CEP112: variants seen among roughly 807,000 people sequenced by gnomAD.
The protein encoded by CEP112 is centrosomal protein 112, also known as centrosomal protein of 112 kDa.
Under a neutral mutation model 153.0 loss-of-function variants are expected in CEP112, and 127 were observed. The ratio of observed to expected loss-of-function variants is 0.83; its 90% confidence interval spans 0.72 to 0.96. The LOEUF (loss-of-function observed/expected upper bound fraction) is 0.96. CEP112 is among the 40% of genes least tolerant of loss of function. CEP112 has a pLI of 0.00. For missense variants in CEP112, 1,089 were observed against 1,101.2 expected (o/e 0.99, Z 0.16); for synonymous variants, 358 against 374.4 (o/e 0.96, Z 0.51).
At chr17:65,691,181 G>A (rs892708843) in intron 23 of CEP112, among the ~76,000 whole-genome samples, 21 of 152,216 alleles carry the variant, frequency 1.4e-4, no homozygotes, top group African/African-American at 4.6e-4. Context: ...GAGAGGAGCC[G>A]GAGCTCAGCC....
At chr17:65,951,077 C>T (rs750518912) in intron 18 of CEP112, among the ~76,000 whole-genome samples, 3 of 152,156 alleles carry the variant, frequency 2.0e-5, no homozygotes, top group Non-Finnish European at 2.9e-5. Context: ...TGGATTCCTG[C>T]GACAAATCCC....
intron 19 of CEP112, among the ~76,000 whole-genome samples, chr17:65,909,734 GAAT>G (rs1204718243): frequency 2.6e-5 from 4 of 152,144 alleles, no homozygotes; most frequent in Non-Finnish European, 5.9e-5. Flanking sequence ...AAGGAAAGAA[GAAT>G]AATAACTTGG....
At chr17:65,646,444 T>G (rs2045437564) in intron 24 of CEP112, among the ~76,000 whole-genome samples, 1 of 152,228 alleles carries the variant, frequency 6.6e-6, no homozygotes, top group South Asian at 2.1e-4. Context: ...ATCCTGTTAC[T>G]TCAATAAAGT....
At chr17:65,998,198 T>C (rs1377354124) in intron 17 of CEP112, among the ~76,000 whole-genome samples, 1 of 151,422 alleles carries the variant, frequency 6.6e-6, no homozygotes, top group Non-Finnish European at 1.5e-5. Context: ...CTGGGCAAAA[T>C]GGTGAAACCC....
At chr17:65,922,631 A>G (rs184170893) in intron 19 of CEP112, among the ~76,000 whole-genome samples, 1 of 152,290 alleles carries the variant, frequency 6.6e-6, no homozygotes, top group Admixed American at 6.5e-5. Context: ...AGAACTCTGC[A>G]ACATCTTACA....
intron 18 of CEP112, among the ~76,000 whole-genome samples, chr17:65,944,429 T>C (rs1010147899): frequency 1.3e-5 from 2 of 152,224 alleles, no homozygotes; most frequent in African/African-American, 4.8e-5. Flanking sequence ...TAATCAGCTT[T>C]CATATATCTT....
chr17:66,099,760 C>T (rs998262130), intron 6 of CEP112, among the ~76,000 whole-genome samples: 1 of 151,830 alleles, frequency 6.6e-6, no homozygotes, highest in Non-Finnish European at 1.5e-5. Flanking sequence ...AATAGAAGAC[C>T]AAAATCAAAA....
At chr17:65,992,033 A>C (rs1942722830) in intron 17 of CEP112, among the ~76,000 whole-genome samples, 2 of 152,036 alleles carry the variant, frequency 1.3e-5, no homozygotes, top group South Asian at 4.1e-4. Flanking sequence ...TAAAAAAAAA[A>C]ACAAACCTAA....
intron 4 of CEP112, among the ~76,000 whole-genome samples, chr17:66,139,597 G>T (rs1000375357): frequency 6.6e-6 from 1 of 151,764 alleles, no homozygotes; most frequent in African/African-American, 2.4e-5. Flanking sequence ...GACAGAGTGA[G>T]AATCTATCTC....
chr17:65,720,185 A>G (rs1466602763), intron 23 of CEP112, among the ~76,000 whole-genome samples: 1 of 152,152 alleles, frequency 6.6e-6, no homozygotes, highest in Admixed American at 6.5e-5. Context: ...GGGTTCAGAT[A>G]ATTATTTCCA....
intron 23 of CEP112, among the ~76,000 whole-genome samples, chr17:65,698,189 T>C (rs897720544): frequency 6.6e-6 from 1 of 152,200 alleles, no homozygotes; most frequent in Non-Finnish European, 1.5e-5. Flanking sequence ...CAAAATTCCT[T>C]CCACGTGAAA....
At chr17:66,052,877 C>T (rs1485195763) in intron 12 of CEP112, among the ~76,000 whole-genome samples, 3 of 151,658 alleles carry the variant, frequency 2.0e-5, no homozygotes, top group South Asian at 2.1e-4. Context: ...GAGGCCAACG[C>T]GGGCAGATCG....
chr17:66,127,315 G>T (rs2146501948), intron 6 of CEP112, among the ~76,000 whole-genome samples: 1 of 152,314 alleles, frequency 6.6e-6, no homozygotes, highest in Admixed American at 6.5e-5. Context: ...GATAGCTCCA[G>T]AATTTTCTTT....
intron 18 of CEP112, among the ~76,000 whole-genome samples, chr17:65,938,486 G>A (rs1430580008): frequency 6.6e-6 from 1 of 151,428 alleles, no homozygotes; most frequent in Non-Finnish European, 1.5e-5. Context: ...CAAGCCCACA[G>A]GTAAAATCCT....
At chr17:65,958,726 G>C (rs543980223) in intron 18 of CEP112, among the ~76,000 whole-genome samples, 1 of 152,264 alleles carries the variant, frequency 6.6e-6, no homozygotes, top group South Asian at 2.1e-4. Flanking sequence ...AGCAGCAGGG[G>C]GCAGACAGAC....
chr17:66,066,660 C>T (rs762599638), intron 10 of CEP112, 118 bp downstream of exon 10: 113 of 622,722 alleles, frequency 1.8e-4, no homozygotes, highest in Non-Finnish European at 2.7e-4. Flanking sequence ...ACTGATGAAA[C>T]CCCACATAAA....
chr17:65,803,018 C>T (rs1162737788), intron 21 of CEP112, among the ~76,000 whole-genome samples: 1 of 152,202 alleles, frequency 6.6e-6, no homozygotes, highest in Admixed American at 6.5e-5. Context: ...ATATGAATTC[C>T]ACCTGGCTTT....
chr17:65,826,354 G>A, intron 21 of CEP112: 1 of 1,598,836 alleles, frequency 6.3e-7, no homozygotes, highest in Non-Finnish European at 8.5e-7. Context: ...CTCAGTGCAG[G>A]CTGTAGGGCA....
In CEP112 at chr17:66,132,906, C is replaced by T. The variant is rs983071833; in HGVS notation, c.471-143G>A. On this transcript the variant is annotated intron_variant, in intron 4 of 26. Coordinates refer to ENST00000535342, the MANE Select transcript of CEP112 (RefSeq NM_001199165.4). ...GATGTTCCATAGCCGGGCGTGGTGGCGAGTGCCTGTAATCCCAGCTACTTG... is the reference window on the plus strand; with the variant it reads ...GATGTTCCATAGCCGGGCGTGGTGGTGAGTGCCTGTAATCCCAGCTACTTG... The T allele has an allele frequency of 4.7e-5, 30 of 636,676 alleles. 1 individual carries two copies. Among genetic ancestry groups the T allele is most frequent in the Middle Eastern group, 2.8e-4 (1 of 3,616 alleles). 39.4% of individuals were successfully genotyped at this position (636,676 alleles called of 1,614,324 possible).
Sources: gnomAD v4.1 joint callset for allele counts (sites outside exome capture counted in the v4.1 genomes callset) on GRCh38, gnomAD v4.1.1 for gene constraint, MANE v1.5 for transcripts, NCBI Gene and HGNC (gene_info 2026-07-23, HGNC 2026-07-21) for gene names.